The following RSRC1 variants were observed in gnomAD, a reference collection of about 807,000 sequenced individuals.
RSRC1 encodes serine/Arginine-related protein 53.
In RSRC1, 39 loss-of-function variants were observed where a neutral mutation model predicts 49.1. That is an observed-to-expected ratio of 0.79 (90% confidence interval 0.61 to 1.04). The LOEUF is 1.04. Ranked by LOEUF, RSRC1 falls within the 50% of genes least tolerant of loss-of-function variation. The probability of loss-of-function intolerance (pLI) is 0.00; values close to 1 mark genes in which losing one functional copy is unlikely to be tolerated. For missense variants in RSRC1, 388 were observed against 402.4 expected, an observed-to-expected ratio of 0.96 and a Z score of 0.31; for synonymous variants, 143 against 130.8, an observed-to-expected ratio of 1.09 and a Z score of -0.63.
chr3:158,530,743 G>T lies in RSRC1; in HGVS notation c.653-6349G>T, dbSNP rs556585635. Among the ~76,000 whole-genome samples, 4 of 151,790 alleles carry T rather than the reference G, an allele frequency of 2.6e-5. No individual in the cohort carries two copies. In the East Asian group the frequency reaches 5.8e-4, roughly 22 times the overall value. ...CCACTTGCCCAAAGCCACACAGCTG[G>T]TACATAGCAGAGACAGGGTTTAACC... is the stretch of plus-strand genomic sequence containing the variant. On this transcript the variant is annotated intron_variant, in intron 7 of 9. Transcript: ENST00000611884.
At chr3:158,522,183 C>T (rs1055753071) in intron 7 of RSRC1, among the ~76,000 whole-genome samples, 60 of 152,144 alleles carry the variant, frequency 3.9e-4, no homozygotes, top group African/African-American at 1.4e-3. Context: ...ATATAATTTT[C>T]ATAACATTGT....
chr3:158,534,543 A>G (rs1031968633), intron 7 of RSRC1, among the ~76,000 whole-genome samples: 1 of 151,608 alleles, frequency 6.6e-6, no homozygotes, highest in African/African-American at 2.4e-5. Context: ...AATGAATTTA[A>G]ACAGCAAGGG....
At chr3:158,497,226 C>A (rs1241112893) in intron 7 of RSRC1, among the ~76,000 whole-genome samples, 1 of 149,040 alleles carries the variant, frequency 6.7e-6, no homozygotes, top group Non-Finnish European at 1.5e-5. Context: ...CCCCCCTAGC[C>A]CCTGGCAACC....
chr3:158,124,640 A>G (rs1715499861), intron 3 of RSRC1, among the ~76,000 whole-genome samples: 2 of 151,940 alleles, frequency 1.3e-5, no homozygotes, highest in Admixed American at 6.6e-5. Context: ...TTCATGATTC[A>G]GTCTTGGTAG....
chr3:158,342,256 G>T (rs372004781), intron 5 of RSRC1, among the ~76,000 whole-genome samples: 4 of 152,256 alleles, frequency 2.6e-5, no homozygotes. Flanking sequence ...AGAATGATAT[G>T]GTTTGGCTGT....
At chr3:158,321,560 GTTTT>G (rs142748510) in intron 5 of RSRC1, among the ~76,000 whole-genome samples, 1 of 141,722 alleles carries the variant, frequency 7.1e-6, no homozygotes, top group African/African-American at 2.6e-5. Flanking sequence ...ATATTTTTGT[GTTTT>G]TTTTTTTTTT....
chr3:158,207,591 T>A (rs1156882183), intron 4 of RSRC1, among the ~76,000 whole-genome samples: 1 of 151,624 alleles, frequency 6.6e-6, no homozygotes, highest in Non-Finnish European at 1.5e-5. Flanking sequence ...GTAACCTAAG[T>A]GCTTCTTCAC....
intron 6 of RSRC1, among the ~76,000 whole-genome samples, chr3:158,410,914 C>T (rs1248364269): frequency 6.6e-6 from 1 of 152,032 alleles, no homozygotes; most frequent in Admixed American, 6.6e-5. Context: ...CTCAGAAGCC[C>T]CCATCTTCTG....
In RSRC1 at chr3:158,378,322, A is replaced by G. The variant is rs1476006079; in HGVS notation, c.583+23414A>G. On this transcript the variant is annotated intron_variant, in intron 6 of 9. Transcript: ENST00000611884. ...TTACAAATCTTTACTGTTAATTTCA[A>G]CATCTGAGTTCTCTCAAGGTTGGTT... Among the ~76,000 whole-genome samples, 8 of 152,142 alleles carry G rather than the reference A, an allele frequency of 5.3e-5. No homozygotes were observed. The South Asian group carries it at 1.0e-3, about 20-fold the overall frequency.
intron 6 of RSRC1, among the ~76,000 whole-genome samples, chr3:158,434,843 G>GACATC (rs924404741): frequency 1.9e-4 from 29 of 152,016 alleles, no homozygotes; most frequent in African/African-American, 6.7e-4. Context: ...TTGAACAAAA[G>GACATC]ACATCACATG....
chr3:158,474,723 G>A (rs1738292549), intron 7 of RSRC1, among the ~76,000 whole-genome samples: 1 of 152,124 alleles, frequency 6.6e-6, no homozygotes, highest in African/African-American at 2.4e-5. Context: ...CATATCTTCA[G>A]GCTCCACTTC....
intron 6 of RSRC1, among the ~76,000 whole-genome samples, chr3:158,441,220 G>T (rs1322192254): frequency 1.3e-5 from 2 of 152,064 alleles, no homozygotes; most frequent in African/African-American, 4.8e-5. Flanking sequence ...TTTACTTTCT[G>T]ACTTCTTGGC....
chr3:158,424,243 G>A (rs1450022751), intron 6 of RSRC1, among the ~76,000 whole-genome samples: 2 of 151,880 alleles, frequency 1.3e-5, no homozygotes, highest in African/African-American at 4.8e-5. Flanking sequence ...ATTATTTTGA[G>A]ATACGTCCCA....
chr3:158,427,581 A>G (rs191555147), intron 6 of RSRC1, among the ~76,000 whole-genome samples: 2 of 151,970 alleles, frequency 1.3e-5, no homozygotes, highest in African/African-American at 4.8e-5. Context: ...AGAAATCACC[A>G]GTTAGATCAG....
At chr3:158,437,317 T>C (rs1297482880) in intron 6 of RSRC1, among the ~76,000 whole-genome samples, 2 of 152,152 alleles carry the variant, frequency 1.3e-5, no homozygotes, top group Non-Finnish European at 2.9e-5. Flanking sequence ...TTGAAAATGG[T>C]TTAATAATGG....
chr3:158,264,155 C>T (rs918535791), intron 4 of RSRC1, among the ~76,000 whole-genome samples: 10 of 152,200 alleles, frequency 6.6e-5, no homozygotes, highest in African/African-American at 1.9e-4. Context: ...TTCAGCTTTT[C>T]TCATGTAGGC....
intron 4 of RSRC1, among the ~76,000 whole-genome samples, chr3:158,252,521 A>T (rs897943920): frequency 1.3e-5 from 2 of 152,136 alleles, no homozygotes; most frequent in African/African-American, 4.8e-5. Flanking sequence ...TTTTGCATCA[A>T]TGTTCATCAG....
At chr3:158,182,083 G>A (rs1283586722) in intron 3 of RSRC1, among the ~76,000 whole-genome samples, 5 of 152,142 alleles carry the variant, frequency 3.3e-5, no homozygotes, top group Non-Finnish European at 5.9e-5. Flanking sequence ...GGGAGGTTGG[G>A]AGAGAGGGCA....
At chr3:158,216,505 A>G (rs969348195) in intron 4 of RSRC1, among the ~76,000 whole-genome samples, 2 of 151,634 alleles carry the variant, frequency 1.3e-5, no homozygotes, top group African/African-American at 4.8e-5. Flanking sequence ...TTTGTAGTCT[A>G]TGACTTTGAT....
Sources: gnomAD v4.1 joint callset for allele counts (sites outside exome capture counted in the v4.1 genomes callset) on GRCh38, gnomAD v4.1.1 for gene constraint, MANE v1.5 for transcripts, NCBI Gene and HGNC (gene_info 2026-07-23, HGNC 2026-07-21) for gene names.